The following RGL1 variants were observed in gnomAD, a reference collection of about 807,000 sequenced individuals.
RGL1 encodes ral guanine nucleotide dissociation stimulator-like 1.
A neutral mutation model predicts 95.2 loss-of-function variants in RGL1; 24 were observed. That is an observed-to-expected ratio of 0.25 (90% CI 0.18 to 0.35). The LOEUF is 0.35. Among genes scored for constraint, RGL1 ranks in the 10% least tolerant of loss-of-function variants. RGL1 has a pLI of 1.00. For synonymous variants in RGL1, 329 were observed against 344.9 expected (o/e 0.95, Z 0.51); for missense variants, 715 against 936.3 (o/e 0.76, Z 3.08).
At chr1:183,718,300 G>C (rs2102196450) in intron 1 of RGL1, among the ~76,000 whole-genome samples, 1 of 151,890 alleles carries the variant, frequency 6.6e-6, no homozygotes, top group East Asian at 1.9e-4. Flanking sequence ...TGCTGATGGA[G>C]ATCAAATTGC....
At chr1:183,915,746 A>G (rs1217323833) in intron 15 of RGL1, among the ~76,000 whole-genome samples, 2 of 152,238 alleles carry the variant, frequency 1.3e-5, no homozygotes, top group Non-Finnish European at 2.9e-5. Context: ...GTAGCAGCAT[A>G]CTATGTTGAT....
At chr1:183,789,971 A>G (rs1255392595) in intron 2 of RGL1, among the ~76,000 whole-genome samples, 1 of 151,630 alleles carries the variant, frequency 6.6e-6, no homozygotes, top group Admixed American at 6.6e-5. Flanking sequence ...CCCAGGCTGG[A>G]GTGCAGTGGC....
chr1:183,896,114 G>A (rs1238132525), intron 9 of RGL1, among the ~76,000 whole-genome samples: 1 of 152,210 alleles, frequency 6.6e-6, no homozygotes, highest in Admixed American at 6.5e-5. Context: ...AAAGAGGTGG[G>A]CACTCTTATT....
intron 1 of RGL1, among the ~76,000 whole-genome samples, chr1:183,734,235 G>C (rs1049486766): frequency 6.6e-6 from 1 of 152,066 alleles, no homozygotes; most frequent in African/African-American, 2.4e-5. Flanking sequence ...GAATCCTTTC[G>C]AGAGCTCAGA....
chr1:183,875,503 C>A (rs1158707460), intron 4 of RGL1, among the ~76,000 whole-genome samples: 1 of 152,132 alleles, frequency 6.6e-6, no homozygotes, highest in Non-Finnish European at 1.5e-5. Flanking sequence ...GAACCATTTT[C>A]TTTTATCTCT....
At chr1:183,880,160 C>G (rs868554714) in intron 4 of RGL1, among the ~76,000 whole-genome samples, 1 of 152,192 alleles carries the variant, frequency 6.6e-6, no homozygotes, top group South Asian at 2.1e-4. Context: ...TCTTTCCACA[C>G]TCAGGCACTT....
rs550267733 is a variant in RGL1 at position 183,901,314 on chromosome 1, A to T, written c.1317+1078A>T. On this transcript the variant is annotated intron_variant, in intron 11 of 17. Coordinates refer to ENST00000360851, the MANE Select transcript of RGL1 (RefSeq NM_001297671.3). Reference sequence around the variant, plus strand: ...ACCCCATCTCAAAAAAAAGAAAAAGAATAAATAAATAAAAATACAAAAATT... The same window carrying T: ...ACCCCATCTCAAAAAAAAGAAAAAGTATAAATAAATAAAAATACAAAAATT... 1.3e-4 allele frequency among the ~76,000 whole-genome samples: 20 copies of T among 152,126 alleles called. No individual in the cohort carries two copies. The South Asian group carries it at 4.2e-3, about 32-fold the overall frequency.
chr1:183,798,764 G>A (rs1346656086), intron 2 of RGL1, among the ~76,000 whole-genome samples: 3 of 150,002 alleles, frequency 2.0e-5, no homozygotes, highest in Admixed American at 2.0e-4. Flanking sequence ...CTATGAGTTC[G>A]ACTATTTTAG....
At chr1:183,815,009 C>T (rs147556162) in intron 2 of RGL1, among the ~76,000 whole-genome samples, 113 of 152,318 alleles carry the variant, frequency 7.4e-4, no homozygotes, top group South Asian at 4.8e-3. Flanking sequence ...CGGTGGCTCT[C>T]GCCTGTAATC....
chr1:183,655,624 G>T (rs556063940), intron 1 of RGL1, among the ~76,000 whole-genome samples: 1 of 152,176 alleles, frequency 6.6e-6, no homozygotes, highest in Non-Finnish European at 1.5e-5. Flanking sequence ...AAAAGCAGAG[G>T]GTGGATCTTC....
Position 183,780,778 on chromosome 1 carries a change from A to T in RGL1, c.133-25597A>T, listed in dbSNP as rs78073068. On this transcript the variant is annotated intron_variant, in intron 2 of 18. Transcript: ENST00000304685. Reference sequence around the variant, plus strand: ...CTTCATACTGTCTGGATAAATAATGAAATATGCCACAATAGCCCTGACCAT... The same window carrying T: ...CTTCATACTGTCTGGATAAATAATGTAATATGCCACAATAGCCCTGACCAT... Among the ~76,000 whole-genome samples the T allele has an allele frequency of 1.8e-3, 274 of 152,318 alleles. 6 individuals carry two copies. In the East Asian group the frequency reaches 0.042, roughly 23 times the overall value.
chr1:183,682,344 G>A (rs1272052777), intron 1 of RGL1, among the ~76,000 whole-genome samples: 1 of 152,134 alleles, frequency 6.6e-6, no homozygotes. Flanking sequence ...CTTTAAATGT[G>A]TCCCAGAGAT....
chr1:183,846,088 G>A (rs749951224), intron 2 of RGL1, among the ~76,000 whole-genome samples: 1 of 152,164 alleles, frequency 6.6e-6, no homozygotes, highest in African/African-American at 2.4e-5. Flanking sequence ...AAAGACACAT[G>A]CACACGTGTG....
chr1:183,892,234 A>G (rs1429461450), intron 9 of RGL1, 73 bp downstream of exon 9: 1 of 1,127,368 alleles, frequency 8.9e-7, no homozygotes, highest in East Asian at 2.4e-5. Context: ...GAGTAGTGTG[A>G]GGGCTCCTTA....
At chr1:183,841,883 G>T (rs1664084770) in intron 2 of RGL1, among the ~76,000 whole-genome samples, 1 of 152,126 alleles carries the variant, frequency 6.6e-6, no homozygotes, top group African/African-American at 2.4e-5. Flanking sequence ...CATGCTTATT[G>T]CAGTGTTTTG....
chr1:183,860,483 T>C (rs1464132837), intron 3 of RGL1, among the ~76,000 whole-genome samples: 1 of 152,170 alleles, frequency 6.6e-6, no homozygotes, highest in African/African-American at 2.4e-5. Flanking sequence ...CTGCCCCTCA[T>C]TGGCCTCTTA....
chr1:183,723,261 T>C (rs187560424), intron 1 of RGL1, among the ~76,000 whole-genome samples: 19 of 152,378 alleles, frequency 1.2e-4, no homozygotes, highest in African/African-American at 4.3e-4. Flanking sequence ...GATGGCTGAA[T>C]AGAAGCCTTC....
At position 183,839,180 on chromosome 1, in the gene RGL1, C is replaced by T. The variant is rs1240796219; in HGVS notation, c.139-8386C>T. Reference sequence around the variant, plus strand: ...GTACTCATCCAGATACCATCCTTAGCCTACTACTCTTCCTATTTTAATTGA... The same window carrying T: ...GTACTCATCCAGATACCATCCTTAGTCTACTACTCTTCCTATTTTAATTGA... On this transcript the variant is annotated intron_variant, in intron 2 of 17. Transcript: ENST00000360851. 3.3e-5 allele frequency among the ~76,000 whole-genome samples: 5 copies of T among 152,184 alleles called. No homozygotes were observed. The East Asian group carries it at 9.6e-4, about 29-fold the overall frequency.
At chr1:183,877,149 C>T (rs1444121993) in intron 4 of RGL1, among the ~76,000 whole-genome samples, 2 of 152,112 alleles carry the variant, frequency 1.3e-5, no homozygotes, top group Non-Finnish European at 1.5e-5. Flanking sequence ...TTTCTTTCTC[C>T]AGGTCTCCAA....
Sources: allele counts gnomAD v4.1 joint callset (sites outside exome capture counted in the v4.1 genomes callset), GRCh38; gene constraint gnomAD v4.1.1; transcripts MANE v1.5; gene names NCBI Gene and HGNC (gene_info 2026-07-23, HGNC 2026-07-21).